DLG5: variants seen among roughly 807,000 people sequenced by gnomAD.
DLG5 encodes discs large MAGUK scaffold protein 5.
A neutral mutation model predicts 189.8 loss-of-function variants in DLG5; 48 were observed. The ratio of observed to expected loss-of-function variants is 0.25; its 90% CI spans 0.20 to 0.32. The LOEUF (loss-of-function observed/expected upper bound fraction) is 0.32. DLG5 is among the 10% of genes least tolerant of loss of function. The pLI is 1.00. For synonymous variants in DLG5, 1,016 were observed against 1,054.1 expected, an observed-to-expected ratio of 0.96 and a Z score of 0.70; for missense variants, 2,160 against 2,544.7, an observed-to-expected ratio of 0.85 and a Z score of 3.25.
chr10:77,913,836 G>A (rs569645049), intron 1 of DLG5, among the ~76,000 whole-genome samples: 27 of 152,230 alleles, frequency 1.8e-4, no homozygotes, highest in African/African-American at 6.5e-4. Context: ...GAATCCTCCT[G>A]TCTCGACCTC....
chr10:77,916,509 C>G (rs1016162279), intron 1 of DLG5, among the ~76,000 whole-genome samples: 2 of 151,702 alleles, frequency 1.3e-5, no homozygotes, highest in African/African-American at 4.8e-5. Flanking sequence ...GCCAGCTAGT[C>G]TCGAACTCCT....
At chr10:77,938,526 T>G in the DLG5 span, among the ~76,000 whole-genome samples, 1 of 152,184 alleles carries the variant, frequency 6.6e-6, no homozygotes, top group Admixed American at 6.5e-5. Context: ...GTAATTGTCC[T>G]CAGGAACTCT....
rs973155842 is a variant in DLG5 at position 77,812,382 on chromosome 10, G to A, written c.4026-5C>T. 1 of 1,603,366 alleles carries A rather than the reference G, an allele frequency of 6.2e-7. No homozygotes were observed. The highest frequency in any genetic ancestry group is 1.3e-5 in the African/African-American group (1 of 74,884). On this transcript the variant is annotated splice_polypyrimidine_tract_variant and splice_region_variant and intron_variant, in intron 20 of 31. Coordinates refer to ENST00000372391, the MANE Select transcript of DLG5 (RefSeq NM_004747.4). ...CGTGGCTCCTCCACATAAGGCCTAAGGAAAAGTCAAAAGTTTCGGGGACTC... is the reference window on the plus strand; with the variant it reads ...CGTGGCTCCTCCACATAAGGCCTAAAGAAAAGTCAAAAGTTTCGGGGACTC...
In DLG5 at chr10:77,842,039, C is replaced by T. The variant is rs930220590; in HGVS notation, c.1279G>A (p.Ala427Thr). 9.3e-6 allele frequency: 15 copies of T among 1,614,096 alleles called. No individual in the cohort carries two copies. Among genetic ancestry groups the T allele is most frequent in the Admixed American group, 1.7e-5 (1 of 60,016 alleles). ...ATGAGCTTGTACTCGCTGTACACAG[C>T]GTCCCGCTCCTCCCTGTATTTCTCC... is the stretch of plus-strand genomic sequence containing the variant. ...ESEKYREERD[A>T]VYSEYKLIMS... is the part of the protein sequence containing the mutation. The change falls in exon 7 of 32, where the codon GCT (alanine) becomes ACT (threonine). Residue 427 changes from alanine (A) to threonine (T), a missense_variant. By Grantham distance (58) the Ala-to-Thr change is moderately conservative. Coordinates refer to ENST00000372391, the MANE Select transcript of DLG5 (RefSeq NM_004747.4).
chr10:77,932,886 T>C, the DLG5 span, among the ~76,000 whole-genome samples: 2 of 151,908 alleles, frequency 1.3e-5, no homozygotes, highest in South Asian at 4.1e-4. Flanking sequence ...GAGGATTACT[T>C]GAACCCAAGT....
At chr10:77,839,330 G>A (rs906283967) in intron 7 of DLG5, among the ~76,000 whole-genome samples, 6 of 152,008 alleles carry the variant, frequency 3.9e-5, no homozygotes, top group East Asian at 3.9e-4. Context: ...GCGAAACCCC[G>A]TCTCTACTAA....
the DLG5 span, among the ~76,000 whole-genome samples, chr10:77,933,723 T>TA: frequency 3.1e-3 from 428 of 137,646 alleles, 1 homozygote; most frequent in African/African-American, 8.5e-3. Context: ...GACTCTGCCT[T>TA]AAAAAAAAAA....
chr10:77,846,229 G>C (rs1843685158), intron 5 of DLG5, among the ~76,000 whole-genome samples: 1 of 152,058 alleles, frequency 6.6e-6, no homozygotes, highest in African/African-American at 2.4e-5. Flanking sequence ...TGGGTGACAA[G>C]CGCGAGACTT....
chr10:77,875,542 C>T (rs532361747), intron 1 of DLG5, among the ~76,000 whole-genome samples: 1 of 152,162 alleles, frequency 6.6e-6, no homozygotes, highest in East Asian at 1.9e-4. Flanking sequence ...GCCCCCATTC[C>T]ATACCCATGC....
intron 1 of DLG5, among the ~76,000 whole-genome samples, chr10:77,880,240 G>A (rs999796551): frequency 2.0e-5 from 3 of 152,128 alleles, no homozygotes; most frequent in African/African-American, 7.2e-5. Context: ...GATCACCTGA[G>A]GTCAGGGTTT....
At chr10:77,864,149 C>G (rs772093354) in intron 2 of DLG5, among the ~76,000 whole-genome samples, 14 of 152,180 alleles carry the variant, frequency 9.2e-5, no homozygotes, top group Non-Finnish European at 1.8e-4. Flanking sequence ...AATGAACTGG[C>G]AGCTGGGTGG....
At chr10:77,936,490 C>G in the DLG5 span, among the ~76,000 whole-genome samples, 1 of 150,398 alleles carries the variant, frequency 6.6e-6, no homozygotes, top group Non-Finnish European at 1.5e-5. Context: ...AGGCCCAGAC[C>G]TAGTCATGAA....
rs772844679 is a variant in DLG5, at chr10:77,829,349, C to T, written c.2185+6G>A. On this transcript the variant is annotated splice_donor_region_variant and intron_variant, in intron 12 of 31. Coordinates refer to ENST00000372391, the MANE Select transcript of DLG5 (RefSeq NM_004747.4). ...AGGCACTCTGCCATGTTCACAGGCC[C>T]GCTACCTTTCTGTCCACTGAGGTTG... 5.6e-6 allele frequency: 9 copies of T among 1,613,340 alleles called. No homozygotes were observed. The East Asian group carries it at 6.7e-5, about 12-fold the overall frequency.
chr10:77,884,441 T>C (rs1273916724), intron 1 of DLG5, among the ~76,000 whole-genome samples: 2 of 152,108 alleles, frequency 1.3e-5, no homozygotes, highest in Non-Finnish European at 2.9e-5. Flanking sequence ...GACCCCACAG[T>C]GGATCAGCAA....
intron 27 of DLG5, among the ~76,000 whole-genome samples, chr10:77,803,154 G>A (rs995322876): frequency 6.6e-6 from 1 of 152,174 alleles, no homozygotes; most frequent in Non-Finnish European, 1.5e-5. Context: ...CAAAACACAT[G>A]ATTCATTTTT....
At chr10:77,795,287 G>C (rs1840851703) in intron 29 of DLG5, among the ~76,000 whole-genome samples, 1 of 152,184 alleles carries the variant, frequency 6.6e-6, no homozygotes, top group Admixed American at 6.5e-5. Context: ...ATTTTTGCCA[G>C]ACTGAGCGAA....
intron 9 of DLG5, among the ~76,000 whole-genome samples, chr10:77,833,462 C>T (rs919882013): frequency 4.6e-5 from 7 of 152,220 alleles, no homozygotes; most frequent in Non-Finnish European, 1.0e-4. Flanking sequence ...AGGAAAGGGA[C>T]TTGGTATGCT....
chr10:77,832,635 C>T lies in DLG5; in HGVS notation c.1748+1279G>A, dbSNP rs868528549. 5.3e-5 allele frequency among the ~76,000 whole-genome samples: 8 copies of T among 152,346 alleles called. No homozygotes were observed. In the Middle Eastern group the frequency reaches 0.014, roughly 259 times the overall value. On this transcript the variant is annotated intron_variant, in intron 9 of 31. Coordinates refer to ENST00000372391, the MANE Select transcript of DLG5 (RefSeq NM_004747.4). ...CCAGGCAGCAACACAGACCCCCTCA[C>T]CAGCATCCTGCCAGTTAGAGAACTT...
At chr10:77,834,273 G>A (rs997766181) in intron 8 of DLG5, among the ~76,000 whole-genome samples, 1 of 152,080 alleles carries the variant, frequency 6.6e-6, no homozygotes, top group African/African-American at 2.4e-5. Flanking sequence ...ACAGTCACCC[G>A]GCAACAAGTG....
Sources: allele counts gnomAD v4.1 joint callset (sites outside exome capture counted in the v4.1 genomes callset), GRCh38; gene constraint gnomAD v4.1.1; transcripts MANE v1.5; gene names NCBI Gene and HGNC (gene_info 2026-07-23, HGNC 2026-07-21).